NPAS1: variants seen among roughly 807,000 people sequenced by gnomAD.
The protein encoded by NPAS1 is neuronal PAS domain protein 1.
Under a neutral mutation model 49.2 loss-of-function variants are expected in NPAS1, and 29 were observed. The observed-to-expected ratio is 0.59, with a 90% CI of 0.44 to 0.80. NPAS1 has a LOEUF of 0.80. NPAS1 is among the 30% of genes least tolerant of loss of function. The pLI is 0.00. For synonymous variants in NPAS1, 408 were observed against 380.4 expected (o/e 1.07, Z -0.84); for missense variants, 825 against 835.5 (o/e 0.99, Z 0.15).
At chr19:47,039,901 G>T (rs79321516) in intron 8 of NPAS1, among the ~76,000 whole-genome samples, 1 of 145,564 alleles carries the variant, frequency 6.9e-6, no homozygotes, top group African/African-American at 2.5e-5. Context: ...CCTGCATCCC[G>T]CAGTGGAGGC....
At chr19:47,026,616 G>A (rs1241433868) in intron 3 of NPAS1, among the ~76,000 whole-genome samples, 3 of 152,120 alleles carry the variant, frequency 2.0e-5, no homozygotes, top group East Asian at 1.9e-4. Flanking sequence ...CCAAGAAACC[G>A]CCCGAAAAGG....
At chr19:47,026,487 G>C (rs2056871507) in intron 3 of NPAS1, among the ~76,000 whole-genome samples, 2 of 152,190 alleles carry the variant, frequency 1.3e-5, no homozygotes, top group Non-Finnish European at 2.9e-5. Context: ...TGGTGGTCCA[G>C]CCAGGGCAGC....
chr19:47,020,897 C>A (rs1253571838), intron 1 of NPAS1, 109 bp from the exon 2 acceptor site: 1,426 of 133,348 alleles, frequency 0.011, 5 homozygotes, highest in Non-Finnish European at 0.013. Flanking sequence ...CATCCAGGCC[C>A]CCCCCCCCCC....
chr19:47,041,913 G>A (rs529063882), intron 10 of NPAS1, among the ~76,000 whole-genome samples: 2 of 151,096 alleles, frequency 1.3e-5, no homozygotes, highest in Admixed American at 6.6e-5. Flanking sequence ...CCAGGAGGTC[G>A]AGGCTGCAGT....
chr19:47,036,032 ACTGGGG>A lies in NPAS1; in HGVS notation c.595_600del (p.Gly199_Leu200del). On this transcript the variant is annotated inframe_deletion, in exon 6 of 12. Coordinates refer to ENST00000602212, the MANE Select transcript of NPAS1 (RefSeq NM_002517.4). Reference sequence around the variant, plus strand: ...GGGACCACTCAGAGGTGCTGGAGCAACTGGGGCTGCGGACGCCGACGCCCGGCCCCC... The same window carrying A: ...GGGACCACTCAGAGGTGCTGGAGCAACTGCGGACGCCGACGCCCGGCCCCC... 6.2e-7 allele frequency: 1 copy of A among 1,605,418 alleles called. No homozygotes were observed. Among genetic ancestry groups the A allele is most frequent in the Non-Finnish European group, 8.5e-7 (1 of 1,175,722 alleles).
chr19:47,040,501 G>A lies in NPAS1; in HGVS notation c.1020G>A (p.Gln340=). 6.2e-7 allele frequency: 1 copy of A among 1,605,046 alleles called. No individual in the cohort carries two copies. The highest frequency in any genetic ancestry group is 8.5e-7 in the Non-Finnish European group (1 of 1,176,346). Residue 340 remains glutamine, a synonymous_variant, in exon 9 of 12, where the codon CAG becomes CAA. Coordinates refer to ENST00000602212, the MANE Select transcript of NPAS1 (RefSeq NM_002517.4). ...PSELVGRSCY[Q]FVHGQDATRI... ...AGCTGGTGGGCCGCAGCTGCTACCA[G>A]TTTGTCCACGGACAGGACGCCACGA...
chr19:47,023,300 G>A (rs1388311240), intron 3 of NPAS1, among the ~76,000 whole-genome samples: 1 of 152,186 alleles, frequency 6.6e-6, no homozygotes, highest in African/African-American at 2.4e-5. Context: ...GAGCCCCGGC[G>A]GCGTCCAGCC....
chr19:47,032,733 G>A lies in NPAS1; in HGVS notation c.522+1G>A. ...CTCCATCTATCTGGGTCTCTCACAG[G>A]TAAGGGACCCCCAGTGGACCTGGAT... On this transcript the variant is annotated splice_donor_variant, in intron 5 of 11. Transcript: ENST00000602212. LOFTEE classifies it high-confidence loss of function. 1.2e-6 allele frequency: 2 copies of A among 1,611,318 alleles called. No individual in the cohort carries two copies. Among genetic ancestry groups the A allele is most frequent in the Non-Finnish European group, 1.7e-6 (2 of 1,177,500 alleles).
chr19:47,027,728 C>T (rs548833892), intron 3 of NPAS1, among the ~76,000 whole-genome samples: 17 of 151,158 alleles, frequency 1.1e-4, no homozygotes, highest in East Asian at 5.8e-4. Flanking sequence ...CCTGGTCTCC[C>T]GTCTCTCTGC....
Position 47,045,641 on chromosome 19 carries a change from A to G in NPAS1, c.1763A>G (p.Lys588Arg). The G allele has an allele frequency of 7.0e-7, 1 of 1,418,814 alleles. No individual in the cohort carries two copies. Among genetic ancestry groups the G allele is most frequent in the Non-Finnish European group, 9.1e-7 (1 of 1,097,442 alleles). 87.9% of individuals were successfully genotyped at this position (1,418,814 alleles called of 1,614,324 possible). The change falls in exon 12 of 12, where the codon AAG (lysine) becomes AGG (arginine). Residue 588 changes from lysine (K) to arginine (R), a missense_variant. Physicochemically the swap from Lys to Arg is conservative, Grantham distance 26. Coordinates refer to ENST00000602212, the MANE Select transcript of NPAS1 (RefSeq NM_002517.4). The stretch of plus-strand genomic sequence containing the variant: ...CCCGCGGGCACCAGGCTGCCGCGGA[A>G]GGGGGACTGAGGACTGGCAGAGCTG... Reference protein sequence around the residue: ...PGPAGTRLPRKGD With the variant: ...PGPAGTRLPRRGD
intron 1 of NPAS1, 101 bp from the exon 2 acceptor site, chr19:47,020,905 C>A (rs866704485): frequency 7.1e-6 from 3 of 420,408 alleles, no homozygotes; most frequent in East Asian, 7.9e-5. Context: ...CCCCCCCCCC[C>A]CCAGCTCCTT....
In NPAS1 at chr19:47,032,439, A is replaced by G. The variant is rs113802887; in HGVS notation, c.432+88A>G. ...ACAGCAGCCTCTTCAGCATCCATCTATTGTGGGGGGTACCTGGACTGGGAA... is the reference window on the plus strand; with the variant it reads ...ACAGCAGCCTCTTCAGCATCCATCTGTTGTGGGGGGTACCTGGACTGGGAA... On this transcript the variant is annotated intron_variant, in intron 4 of 11. Coordinates refer to ENST00000602212, the MANE Select transcript of NPAS1 (RefSeq NM_002517.4). The G allele has an allele frequency of 1.0e-4, 145 of 1,394,274 alleles. No individual in the cohort carries two copies. The African/African-American group carries it at 1.8e-3, about 17-fold the overall frequency. The allele number at this position is 1,394,274 out of a possible 1,614,324, so 86.4% of individuals were successfully genotyped here. A position where few individuals can be genotyped will look rare whatever the true frequency, so the allele number is the denominator to read the frequency against.
chr19:47,030,609 T>A (rs1235467888), intron 3 of NPAS1, among the ~76,000 whole-genome samples: 1 of 150,234 alleles, frequency 6.7e-6, no homozygotes, highest in Non-Finnish European at 1.5e-5. Flanking sequence ...AGATCACAGG[T>A]ATGAGCCACC....
Position 47,032,315 on chromosome 19 carries a change from A to C in NPAS1, c.396A>C (p.Glu132Asp). 6.2e-7 allele frequency: 1 copy of C among 1,613,968 alleles called. No individual in the cohort carries two copies. The highest frequency in any genetic ancestry group is 8.5e-7 in the Non-Finnish European group (1 of 1,179,988). Residue 132 changes from glutamate to aspartate, a missense_variant, in exon 4 of 12, where the codon GAA becomes GAC. Transcript: ENST00000602212. ...GCGGCCCCGCAGCGCTGGTCTCCGA[A>C]GTCTTCGAGCAGCACCTGGGAGGTC... ...GRRGPAALVSEVFEQHLGGHI... is the reference protein window; with the variant it reads ...GRRGPAALVSDVFEQHLGGHI...
At chr19:47,044,386 C>CAAA (rs77699035) in intron 11 of NPAS1, among the ~76,000 whole-genome samples, 14 of 151,954 alleles carry the variant, frequency 9.2e-5, no homozygotes, top group East Asian at 5.8e-4. Context: ...CAAAACAAAA[C>CAAA]AAAAAACACT....
At chr19:47,038,218 A>G (rs1043577401) in intron 6 of NPAS1, among the ~76,000 whole-genome samples, 1 of 152,184 alleles carries the variant, frequency 6.6e-6, no homozygotes, top group African/African-American at 2.4e-5. Flanking sequence ...ACGTTTGAGC[A>G]TTAGAAAGAC....
intron 3 of NPAS1, among the ~76,000 whole-genome samples, chr19:47,029,304 G>A (rs1242385757): frequency 2.0e-5 from 3 of 152,002 alleles, no homozygotes; most frequent in South Asian, 2.1e-4. Context: ...GGAAGGTCTC[G>A]AACTCCTGAC....
At chr19:47,039,343 TGATG>T in intron 7 of NPAS1, 60 bp from the exon 8 acceptor site, 1 of 1,596,536 alleles carries the variant, frequency 6.3e-7, no homozygotes, top group African/African-American at 1.3e-5. Flanking sequence ...CCCAGCCCAG[TGATG>T]GTCCTCTTGC....
At chr19:47,029,396 T>TTTATTATTA (rs36098515) in intron 3 of NPAS1, among the ~76,000 whole-genome samples, 13 of 147,554 alleles carry the variant, frequency 8.8e-5, no homozygotes, top group East Asian at 4.0e-4. Flanking sequence ...AGTATTTTTA[T>TTTATTATTA]TTATTATTAT....
Sources: gnomAD v4.1 joint callset for allele counts (sites outside exome capture counted in the v4.1 genomes callset) on GRCh38, gnomAD v4.1.1 for gene constraint, MANE v1.5 for transcripts, NCBI Gene and HGNC (gene_info 2026-07-23, HGNC 2026-07-21) for gene names.